Variants in USPL1 observed in about 807,000 individuals in gnomAD.
The protein encoded by USPL1 is ubiquitin specific peptidase like 1, also known as SUMO-specific isopeptidase USPL1.
USPL1 carries 27 observed loss-of-function variants against 51.5 expected under a neutral mutation model. The observed-to-expected ratio is 0.52, with a 90% CI of 0.39 to 0.72. The LOEUF (loss-of-function observed/expected upper bound fraction) is 0.72, where lower values mean the gene tolerates loss of function less well. USPL1 is among the 30% of genes least tolerant of loss of function. The probability of loss-of-function intolerance (pLI) is 0.00; values close to 1 mark genes in which losing one functional copy is unlikely to be tolerated. For missense variants in USPL1, 1,226 were observed against 1,268.0 expected (o/e 0.97, Z 0.50); for synonymous variants, 451 against 459.6 (o/e 0.98, Z 0.24).
chr13:30,627,426 A>G (rs1593363335), intron 3 of USPL1, among the ~76,000 whole-genome samples: 1 of 152,174 alleles, frequency 6.6e-6, no homozygotes, highest in Non-Finnish European at 1.5e-5. Context: ...CACAGATTAT[A>G]TAGAGAAAAG....
chr13:30,659,258 A>G lies in USPL1; in HGVS notation c.3181A>G (p.Ile1061Val), dbSNP rs1178360627. 1 of 1,613,986 alleles carries G rather than the reference A, an allele frequency of 6.2e-7. No individual in the cohort carries two copies. Among genetic ancestry groups the G allele is most frequent in the Non-Finnish European group, 8.5e-7 (1 of 1,180,024 alleles). ...CTTGGAGAGTCCGATGAAGACTGAT[A>G]TTTTCGATGAGTTTTTTTCCTCCTC... ...LNLESPMKTDIFDEFFSSSAL... is the reference protein window; with the variant it reads ...LNLESPMKTDVFDEFFSSSAL... The change falls in exon 9 of 9, where the codon ATT (isoleucine) becomes GTT (valine). Residue 1061 changes from isoleucine (I) to valine (V), a missense_variant. Transcript: ENST00000255304.
chr13:30,641,387 G>C (rs1206514540), intron 5 of USPL1, among the ~76,000 whole-genome samples: 1 of 151,516 alleles, frequency 6.6e-6, no homozygotes, highest in South Asian at 2.1e-4. Context: ...GTAGGGGAAG[G>C]GATGGAAGGT....
chr13:30,628,976 C>T (rs1009608134), intron 3 of USPL1, among the ~76,000 whole-genome samples: 59 of 152,092 alleles, frequency 3.9e-4, no homozygotes, highest in African/African-American at 1.4e-3. Flanking sequence ...TATGATAGGA[C>T]TTAGGAAGTA....
At chr13:30,620,947 A>G (rs1950638720) in intron 1 of USPL1, 126 bp from the exon 2 acceptor site, 2 of 447,832 alleles carry the variant, frequency 4.5e-6, no homozygotes, top group Non-Finnish European at 7.7e-6. Flanking sequence ...TAATTTTAGA[A>G]TATGTTTATT....
chr13:30,652,869 C>T (rs958026719), intron 7 of USPL1, among the ~76,000 whole-genome samples: 11 of 152,184 alleles, frequency 7.2e-5, no homozygotes, highest in Non-Finnish European at 1.5e-4. Flanking sequence ...TGCATTGCTG[C>T]TTACAGAGCA....
chr13:30,637,524 G>T (rs1309941154), intron 4 of USPL1, among the ~76,000 whole-genome samples: 1 of 152,124 alleles, frequency 6.6e-6, no homozygotes, highest in African/African-American at 2.4e-5. Flanking sequence ...CTTTCACTGA[G>T]ATTTTACCCA....
intron 4 of USPL1, 34 bp from the exon 5 acceptor site, chr13:30,637,710 T>A (rs759060589): frequency 8.1e-6 from 12 of 1,489,108 alleles, no homozygotes; most frequent in Admixed American, 1.9e-5. Flanking sequence ...TATACATTGA[T>A]GAGGAATTGA....
At chr13:30,632,469 G>A (rs1366987605) in intron 4 of USPL1, among the ~76,000 whole-genome samples, 3 of 142,052 alleles carry the variant, frequency 2.1e-5, no homozygotes, top group African/African-American at 8.0e-5. Flanking sequence ...GCTGGAGTGC[G>A]ATGGCATGAT....
At chr13:30,620,796 G>T (rs1425579214) in intron 1 of USPL1, among the ~76,000 whole-genome samples, 1 of 152,124 alleles carries the variant, frequency 6.6e-6, no homozygotes, top group East Asian at 1.9e-4. Flanking sequence ...GCTTTAAATA[G>T]TAGCTGCCTC....
chr13:30,628,616 C>T (rs540408301), intron 3 of USPL1, among the ~76,000 whole-genome samples: 1 of 152,332 alleles, frequency 6.6e-6, no homozygotes, highest in South Asian at 2.1e-4. Context: ...TCAGCTCCCA[C>T]TTACGAGTGA....
chr13:30,621,266 T>C, intron 2 of USPL1, 27 bp downstream of exon 2: 1 of 1,520,818 alleles, frequency 6.6e-7, no homozygotes, highest in Non-Finnish European at 8.8e-7. Context: ...TTTGCCTGAG[T>C]GCAAAGTTTT....
chr13:30,631,926 A>G (rs1353930699), intron 4 of USPL1, among the ~76,000 whole-genome samples: 1 of 151,868 alleles, frequency 6.6e-6, no homozygotes, highest in East Asian at 1.9e-4. Flanking sequence ...GCTTGAGATA[A>G]TACCAGTTAC....
chr13:30,658,508 G>A lies in USPL1; in HGVS notation c.2431G>A (p.Val811Ile), dbSNP rs376092234. The change falls in exon 9 of 9, where the codon GTA (valine) becomes ATA (isoleucine). Residue 811 changes from valine (V) to isoleucine (I), a missense_variant. By Grantham distance (29) the Val-to-Ile change is conservative (BLOSUM62 3). Coordinates refer to ENST00000255304, the MANE Select transcript of USPL1 (RefSeq NM_005800.5). ...TKGINQKASH[V>I]SKKARKSASK... ...AGGTATAAACCAGAAGGCCAGCCACGTATCCAAGAAAGCTCGTAAGAGTGC... is the reference window on the plus strand; with the variant it reads ...AGGTATAAACCAGAAGGCCAGCCACATATCCAAGAAAGCTCGTAAGAGTGC... 1.1e-5 allele frequency: 17 copies of A among 1,613,892 alleles called. No individual in the cohort carries two copies. The highest frequency in any genetic ancestry group is 1.6e-4 in the Middle Eastern group (1 of 6,084).
chr13:30,634,785 T>C (rs1470377295), intron 4 of USPL1, among the ~76,000 whole-genome samples: 1 of 152,202 alleles, frequency 6.6e-6, no homozygotes, highest in Non-Finnish European at 1.5e-5. Flanking sequence ...CCAAAGTGGT[T>C]GTACCAAGCA....
chr13:30,657,900 T>G lies in USPL1; in HGVS notation c.1823T>G (p.Leu608Ter). The G allele has an allele frequency of 6.2e-7, 1 of 1,614,014 alleles. No homozygotes were observed. ...CAGTTAAATTCTGAAGCTTTCCTGT[T>G]AGAAAATAAACCTGTAGCAGAAAAT... ...VSQLNSEAFL[L>*]ENKPVAENTG... is the part of the protein sequence containing the mutation. The change falls in exon 9 of 9, where the codon TTA (leucine) becomes TGA (stop). Residue 608 changes from leucine (L) to a stop codon, truncating the protein, a stop_gained. Transcript: ENST00000255304. LOFTEE classifies it low-confidence loss of function (END_TRUNC).
At chr13:30,634,667 G>T (rs1950851781) in intron 4 of USPL1, among the ~76,000 whole-genome samples, 1 of 152,120 alleles carries the variant, frequency 6.6e-6, no homozygotes, top group Admixed American at 6.6e-5. Context: ...GTGACCATTT[G>T]GGGGGCAAGT....
chr13:30,659,263 C>T lies in USPL1; in HGVS notation c.3186C>T (p.Phe1062=), dbSNP rs775095331. ...AGAGTCCGATGAAGACTGATATTTT[C>T]GATGAGTTTTTTTCCTCCTCAGCAT... ...NLESPMKTDI[F]DEFFSSSALN... is the part of the protein sequence containing the mutation. The change falls in exon 9 of 9, where the codon TTC becomes TTT. Residue 1062 remains phenylalanine (F), a synonymous_variant. Coordinates refer to ENST00000255304, the MANE Select transcript of USPL1 (RefSeq NM_005800.5). The T allele has an allele frequency of 3.1e-6, 5 of 1,614,078 alleles. No individual in the cohort carries two copies. Among genetic ancestry groups the T allele is most frequent in the Admixed American group, 1.7e-5 (1 of 60,010 alleles).
chr13:30,650,085 C>G (rs904329060), intron 7 of USPL1, among the ~76,000 whole-genome samples: 1 of 152,008 alleles, frequency 6.6e-6, no homozygotes, highest in Middle Eastern at 3.2e-3. Flanking sequence ...CTCGAACTCC[C>G]GACCTCAGGT....
intron 3 of USPL1, among the ~76,000 whole-genome samples, chr13:30,626,313 AAAAT>A (rs57602031): frequency 0.49 from 72,678 of 149,146 alleles, 20,172 homozygotes; most frequent in African/African-American, 0.76. Flanking sequence ...ACTCTATCTC[AAAAT>A]AAATAAATAA....
Sources: gnomAD v4.1 joint callset for allele counts (sites outside exome capture counted in the v4.1 genomes callset) on GRCh38, gnomAD v4.1.1 for gene constraint, MANE v1.5 for transcripts, NCBI Gene and HGNC (gene_info 2026-07-23, HGNC 2026-07-21) for gene names.